The following ADCY9 variants were observed in gnomAD, a reference collection of about 807,000 sequenced individuals.
ADCY9 encodes the protein adenylate cyclase 9.
ADCY9 carries 50 observed loss-of-function variants against 101.5 expected under a neutral mutation model. The observed-to-expected ratio is 0.49, with a 90% CI of 0.39 to 0.62. The LOEUF is 0.62. Ranked by LOEUF, ADCY9 falls within the 20% of genes least tolerant of loss-of-function variation. The pLI is 0.00. For synonymous variants in ADCY9, 905 were observed against 769.3 expected, an observed-to-expected ratio of 1.18 and a Z score of -2.92; for missense variants, 1,662 against 1,800.4, an observed-to-expected ratio of 0.92 and a Z score of 1.39.
chr16:3,972,699 T>G (rs918570050), intron 10 of ADCY9, among the ~76,000 whole-genome samples: 1 of 152,196 alleles, frequency 6.6e-6, no homozygotes, highest in Non-Finnish European at 1.5e-5. Flanking sequence ...CAAACGTGGC[T>G]TCGGTTGACA....
chr16:4,019,965 C>G (rs1242129587), intron 2 of ADCY9, among the ~76,000 whole-genome samples: 2 of 152,254 alleles, frequency 1.3e-5, no homozygotes, highest in South Asian at 4.1e-4. Context: ...GTAATCCCAG[C>G]TACTCGGGAG....
intron 6 of ADCY9, 51 bp downstream of exon 6, chr16:3,988,943 G>A: frequency 7.1e-7 from 1 of 1,402,116 alleles, no homozygotes; most frequent in Non-Finnish European, 1.0e-6. Flanking sequence ...ATGACCATGT[G>A]AGAACAACAA....
chr16:4,094,444 C>A (rs2056990758), intron 2 of ADCY9, among the ~76,000 whole-genome samples: 1 of 152,164 alleles, frequency 6.6e-6, no homozygotes, highest in Non-Finnish European at 1.5e-5. Context: ...GGCTTTCCAG[C>A]AGCCTCTTTG....
At chr16:4,072,044 T>C (rs1406018719) in intron 2 of ADCY9, among the ~76,000 whole-genome samples, 1 of 152,234 alleles carries the variant, frequency 6.6e-6, no homozygotes, top group Non-Finnish European at 1.5e-5. Context: ...TTGCCTATTC[T>C]GACAGAACCA....
chr16:4,098,285 G>T (rs1190909691), intron 2 of ADCY9, among the ~76,000 whole-genome samples: 2 of 151,702 alleles, frequency 1.3e-5, no homozygotes, highest in Middle Eastern at 3.4e-3. Flanking sequence ...CTGTCACCCA[G>T]GCTGGAATGT....
intron 10 of ADCY9, among the ~76,000 whole-genome samples, chr16:3,968,877 G>C (rs138334865): frequency 6.6e-6 from 1 of 151,322 alleles, no homozygotes; most frequent in African/African-American, 2.4e-5. Context: ...AAGGAGTCTC[G>C]CTTTGTTGCC....
chr16:4,108,962 T>G (rs2057096999), intron 2 of ADCY9, among the ~76,000 whole-genome samples: 2 of 152,050 alleles, frequency 1.3e-5, no homozygotes, highest in African/African-American at 2.4e-5. Flanking sequence ...TACCTCGGCC[T>G]CCCAAAGTGT....
intron 3 of ADCY9, among the ~76,000 whole-genome samples, chr16:3,994,850 C>A (rs1175751620): frequency 6.6e-6 from 1 of 152,140 alleles, no homozygotes; most frequent in Non-Finnish European, 1.5e-5. Flanking sequence ...GACACAAATC[C>A]AAGGTTCTTA....
At position 3,983,288 on chromosome 16, in the gene ADCY9, C is replaced by G; in HGVS notation, c.2463G>C (p.Leu821=). Residue 821 remains leucine, a synonymous_variant, in exon 7 of 11, where the codon CTG becomes CTC. Coordinates refer to ENST00000294016, the MANE Select transcript of ADCY9 (RefSeq NM_001116.4). ...AATVPPPPAA[L]AVFSAALLLE... ...GCAGCAGGGCTGCACTGAAGACCGC[C>G]AGGGCGGCGGGCGGGGGAGGCACGG... is the stretch of plus-strand genomic sequence containing the variant. The G allele has an allele frequency of 6.4e-7, 1 of 1,558,774 alleles. No homozygotes were observed.
At chr16:3,970,736 C>T (rs2141675957) in intron 10 of ADCY9, among the ~76,000 whole-genome samples, 1 of 152,348 alleles carries the variant, frequency 6.6e-6, no homozygotes, top group Non-Finnish European at 1.5e-5. Flanking sequence ...CTCTGCGAAG[C>T]ACAACCGCCA....
intron 2 of ADCY9, among the ~76,000 whole-genome samples, chr16:4,075,180 T>TAC (rs1597209941): frequency 1.3e-5 from 2 of 151,478 alleles, no homozygotes; most frequent in East Asian, 3.9e-4. Context: ...TGTTACTATA[T>TAC]ATATATGGAG....
At chr16:3,984,043 C>A (rs149883077) in intron 6 of ADCY9, 186 of 152,636 alleles carry the variant, frequency 1.2e-3, no homozygotes, top group Middle Eastern at 3.4e-3. Flanking sequence ...GAACTATGAT[C>A]ACACCACTGC....
intron 2 of ADCY9, among the ~76,000 whole-genome samples, chr16:4,091,223 G>A (rs543174410): frequency 2.1e-4 from 32 of 152,246 alleles, no homozygotes; most frequent in African/African-American, 5.5e-4. Context: ...ATAAGCACGC[G>A]CCATGATGCG....
chr16:4,096,470 A>G (rs911991002), intron 2 of ADCY9, among the ~76,000 whole-genome samples: 2 of 152,248 alleles, frequency 1.3e-5, no homozygotes, highest in Non-Finnish European at 2.9e-5. Context: ...AAATTTTCAA[A>G]TAAGATCATG....
intron 2 of ADCY9, among the ~76,000 whole-genome samples, chr16:4,097,548 TATA>T (rs1164551776): frequency 2.4e-4 from 13 of 53,498 alleles, no homozygotes; most frequent in East Asian, 9.6e-4. Flanking sequence ...TATATATATA[TATA>T]TATTTTTTTT....
At chr16:4,007,624 C>T in intron 2 of ADCY9, 66 bp from the exon 3 acceptor site, 1 of 1,406,400 alleles carries the variant, frequency 7.1e-7, no homozygotes. Context: ...GCAGCTCCGT[C>T]TTGCTCTCTG....
chr16:4,042,112 C>T (rs1419373360), intron 2 of ADCY9, among the ~76,000 whole-genome samples: 1 of 151,684 alleles, frequency 6.6e-6, no homozygotes, highest in Non-Finnish European at 1.5e-5. Flanking sequence ...TTAGCAGAGA[C>T]GGGGGTTTCA....
intron 2 of ADCY9, among the ~76,000 whole-genome samples, chr16:4,100,554 C>T (rs1028465075): frequency 6.6e-6 from 1 of 151,936 alleles, no homozygotes; most frequent in Non-Finnish European, 1.5e-5. Context: ...TGGTCTCGAA[C>T]TCCTGAGCTC....
rs2056248678 is a variant in ADCY9 at position 3,992,046 on chromosome 16, G to C, written c.2207+100C>G. 1 of 1,213,376 alleles carries C rather than the reference G, an allele frequency of 8.2e-7. No homozygotes were observed. The highest frequency in any genetic ancestry group is 2.4e-5 in the East Asian group (1 of 41,446). The allele number at this position is 1,213,376 out of a possible 1,614,324, so 75.2% of individuals were successfully genotyped here. A position where few individuals can be genotyped will look rare whatever the true frequency, so the allele number is the denominator to read the frequency against. On this transcript the variant is annotated intron_variant, in intron 5 of 10. Coordinates refer to ENST00000294016, the MANE Select transcript of ADCY9 (RefSeq NM_001116.4). This position sits in a 1 kb window ranked among gnomAD's most constrained non-coding sequence, Gnocchi z 4.2. ...AGATCGCGCCACTGCACTGCAGCCTGGATGACAGAGCGAGACTCAGTCTTA... is the reference window on the plus strand; with the variant it reads ...AGATCGCGCCACTGCACTGCAGCCTCGATGACAGAGCGAGACTCAGTCTTA...
Sources: gnomAD v4.1 joint callset for allele counts (sites outside exome capture counted in the v4.1 genomes callset) on GRCh38, gnomAD v4.1.1 for gene constraint, Gnocchi (gnomAD v3.1) non-coding constraint, MANE v1.5 for transcripts, NCBI Gene and HGNC (gene_info 2026-07-23, HGNC 2026-07-21) for gene names.